M1AP: variants seen among roughly 807,000 people sequenced by gnomAD.
The protein encoded by M1AP is meiosis 1 associated protein.
M1AP carries 39 observed loss-of-function variants against 51.2 expected under a neutral mutation model. The ratio of observed to expected loss-of-function variants is 0.76; its 90% confidence interval spans 0.59 to 1.00. The LOEUF is 1.00. Among genes scored for constraint, M1AP ranks in the 50% least tolerant of loss-of-function variants. The pLI is 0.00. For missense variants in M1AP, 545 were observed against 641.2 expected (o/e 0.85, Z 1.62); for synonymous variants, 251 against 249.2 (o/e 1.01, Z -0.07).
chr2:74,646,997 A>G (rs755285201), intron 1 of M1AP, among the ~76,000 whole-genome samples: 1 of 152,190 alleles, frequency 6.6e-6, no homozygotes, highest in Non-Finnish European at 1.5e-5. Context: ...AGTACTAAAC[A>G]GGCTCTGACC....
intron 2 of M1AP, among the ~76,000 whole-genome samples, chr2:74,623,586 C>T (rs1012664764): frequency 4.6e-5 from 7 of 151,926 alleles, no homozygotes; most frequent in Non-Finnish European, 5.9e-5. Context: ...GTGGGCTCCA[C>T]GCACTGATAT....
rs144428599 is a variant in M1AP at position 74,600,368 on chromosome 2, T to C, written c.595+6687A>G. ...AGAATATTAAGAGACTGGCTTTAGT[T>C]CACATATCTTTTCCTCAAGGCTCAG... On this transcript the variant is annotated intron_variant, in intron 4 of 10. Transcript: ENST00000421985. 9.8e-5 allele frequency among the ~76,000 whole-genome samples: 15 copies of C among 152,358 alleles called. No homozygotes were observed. The East Asian group carries it at 2.9e-3, about 29-fold the overall frequency.
intron 4 of M1AP, among the ~76,000 whole-genome samples, chr2:74,599,690 C>A (rs987337783): frequency 3.3e-5 from 5 of 152,000 alleles, no homozygotes; most frequent in African/African-American, 4.8e-5. Context: ...AAGGCAAACC[C>A]CTGGCCCTAA....
chr2:74,603,906 G>A (rs1250323287), intron 4 of M1AP, among the ~76,000 whole-genome samples: 1 of 152,130 alleles, frequency 6.6e-6, no homozygotes, highest in Non-Finnish European at 1.5e-5. Context: ...GAAAGAAATC[G>A]ATGGTATCAG....
At chr2:74,560,034 A>T in intron 9 of M1AP, 117 bp downstream of exon 9, 1 of 1,153,154 alleles carries the variant, frequency 8.7e-7, no homozygotes, top group Non-Finnish European at 1.2e-6. Context: ...TCCTGGAGGA[A>T]GGCTACTCCC....
chr2:74,575,195 A>G, intron 7 of M1AP: 1 of 701,496 alleles, frequency 1.4e-6, no homozygotes, highest in Non-Finnish European at 1.8e-6. Context: ...TTAAATGTTA[A>G]GCTTGCCAAT....
chr2:74,569,511 A>T lies in M1AP; in HGVS notation c.1074+5927T>A, dbSNP rs569425025. Among the ~76,000 whole-genome samples the T allele has an allele frequency of 1.6e-4, 24 of 151,126 alleles. No homozygotes were observed. In the South Asian group the frequency reaches 3.1e-3, roughly 20 times the overall value. Reference sequence around the variant, plus strand: ...TTCTCGCGCCTCCCGAGTAGCTGGGACTACAGGCATGTGCCACCACCCCCA... The same window carrying T: ...TTCTCGCGCCTCCCGAGTAGCTGGGTCTACAGGCATGTGCCACCACCCCCA... On this transcript the variant is annotated intron_variant, in intron 7 of 10. Coordinates refer to ENST00000421985, the MANE Select transcript of M1AP (RefSeq NM_001321739.2).
At chr2:74,566,914 C>T (rs1678430416) in intron 7 of M1AP, among the ~76,000 whole-genome samples, 1 of 152,184 alleles carries the variant, frequency 6.6e-6, no homozygotes, top group Non-Finnish European at 1.5e-5. Flanking sequence ...AATGTGTCTC[C>T]AGAGACTCTG....
intron 4 of M1AP, among the ~76,000 whole-genome samples, chr2:74,585,282 A>C (rs963000928): frequency 2.6e-5 from 4 of 152,194 alleles, no homozygotes; most frequent in African/African-American, 4.8e-5. Flanking sequence ...ATGTGGACTC[A>C]GTGATGTGTC....
chr2:74,628,519 C>G (rs536244818), intron 2 of M1AP: 2 of 473,782 alleles, frequency 4.2e-6, no homozygotes, highest in African/African-American at 4.0e-5. Context: ...GCACTAAAGG[C>G]AAATATCACC....
At chr2:74,630,016 C>T (rs978360620) in intron 2 of M1AP, among the ~76,000 whole-genome samples, 1 of 150,694 alleles carries the variant, frequency 6.6e-6, no homozygotes, top group Non-Finnish European at 1.5e-5. Flanking sequence ...TCATGACTTA[C>T]TGCAACTTCA....
chr2:74,599,779 C>G (rs529174646), intron 4 of M1AP, among the ~76,000 whole-genome samples: 1 of 150,516 alleles, frequency 6.6e-6, no homozygotes, highest in Non-Finnish European at 1.5e-5. Context: ...TACACACACA[C>G]AGACACACAC....
chr2:74,644,014 T>C (rs1205558752), intron 1 of M1AP, among the ~76,000 whole-genome samples: 1 of 152,090 alleles, frequency 6.6e-6, no homozygotes, highest in Non-Finnish European at 1.5e-5. Context: ...AATAAAAATA[T>C]TTCAAGAAGA....
chr2:74,576,382 T>A, intron 6 of M1AP, 74 bp downstream of exon 6: 5 of 1,485,452 alleles, frequency 3.4e-6, no homozygotes, highest in Non-Finnish European at 4.6e-6. Flanking sequence ...ATACCATCTA[T>A]CTCTGGAGTT....
chr2:74,643,947 C>T (rs1683456739), intron 1 of M1AP, among the ~76,000 whole-genome samples: 1 of 152,026 alleles, frequency 6.6e-6, no homozygotes, highest in Non-Finnish European at 1.5e-5. Context: ...TCACTTTCTA[C>T]TATTAAACTA....
At chr2:74,635,883 T>C (rs1471486812) in intron 2 of M1AP, among the ~76,000 whole-genome samples, 1 of 152,132 alleles carries the variant, frequency 6.6e-6, no homozygotes, top group Non-Finnish European at 1.5e-5. Context: ...TTTAAGTTTC[T>C]TTCCTTCATG....
At chr2:74,628,728 A>G (rs1682540187) in intron 2 of M1AP, 1 of 596,260 alleles carries the variant, frequency 1.7e-6, no homozygotes, top group South Asian at 1.4e-5. Context: ...GTCACATGAC[A>G]ACAACAAGAT....
intron 4 of M1AP, among the ~76,000 whole-genome samples, chr2:74,589,523 TA>T (rs1364085963): frequency 2.0e-5 from 3 of 152,264 alleles, no homozygotes; most frequent in African/African-American, 7.2e-5. Flanking sequence ...ATTAGCATTT[TA>T]AAAATATTTG....
At chr2:74,575,285 A>T in intron 7 of M1AP, 153 bp downstream of exon 7, 1 of 1,444,920 alleles carries the variant, frequency 6.9e-7, no homozygotes, top group African/African-American at 1.4e-5. Flanking sequence ...AAGGCAAGTC[A>T]TATTTACTCC....
Sources: gnomAD v4.1 joint callset for allele counts (sites outside exome capture counted in the v4.1 genomes callset) on GRCh38, gnomAD v4.1.1 for gene constraint, MANE v1.5 for transcripts, NCBI Gene and HGNC (gene_info 2026-07-23, HGNC 2026-07-21) for gene names.